TBX1: variants seen among roughly 807,000 people sequenced by gnomAD.
The protein encoded by TBX1 is T-box transcription factor TBX1.
TBX1 carries 16 observed loss-of-function variants against 40.8 expected under a neutral mutation model. That is an observed-to-expected ratio of 0.39 (90% CI 0.27 to 0.60). TBX1 has a LOEUF of 0.60. TBX1 is among the 20% of genes least tolerant of loss of function. TBX1 has a pLI of 0.51. For synonymous variants in TBX1, 403 were observed against 336.8 expected, an observed-to-expected ratio of 1.20 and a Z score of -2.15; for missense variants, 755 against 728.5, an observed-to-expected ratio of 1.04 and a Z score of -0.42.
In TBX1 at chr22:19,765,831, T is replaced by C; in HGVS notation, c.935+6T>C. 6.2e-7 allele frequency: 1 copy of C among 1,601,970 alleles called. No individual in the cohort carries two copies. The highest frequency in any genetic ancestry group is 8.5e-7 in the Non-Finnish European group (1 of 1,174,764). On this transcript the variant is annotated splice_donor_region_variant and intron_variant, in intron 5 of 6. Transcript: ENST00000649276. ...GACTGTGACCCTGAGGACTGGTGAG[T>C]GTCCTCCCCCGAGAGAGTGAGCGCC... is the stretch of plus-strand genomic sequence containing the variant.
Position 19,766,900 on chromosome 22 carries a change from G to C in TBX1, c.*33G>C. ...CCTGTCGCGCTCCCGCCCCGGTCCT[G>C]CACAGCCCCGAAGTTCGCCGGGCCC... On this transcript the variant is annotated 3_prime_UTR_variant, in exon 7 of 7. Coordinates refer to ENST00000649276, the MANE Select transcript of TBX1 (RefSeq NM_001379200.1). 1.9e-6 allele frequency: 3 copies of C among 1,577,660 alleles called. No individual in the cohort carries two copies. Among genetic ancestry groups the C allele is most frequent in the Non-Finnish European group, 2.6e-6 (3 of 1,170,186 alleles).
chr22:19,757,487 G>C (rs1272422799), upstream of TBX1, among the ~76,000 whole-genome samples: 1 of 152,180 alleles, frequency 6.6e-6, no homozygotes, highest in Non-Finnish European at 1.5e-5. Flanking sequence ...CATCTGGCCA[G>C]TGCCCTGAGG....
At chr22:19,777,703 C>T (rs1937088225) in intron 8 of TBX1, among the ~76,000 whole-genome samples, 1 of 151,978 alleles carries the variant, frequency 6.6e-6, no homozygotes, top group Non-Finnish European at 1.5e-5. Context: ...CTCTCAGCCC[C>T]TTTCACTGGG....
downstream of TBX1, among the ~76,000 whole-genome samples, chr22:19,769,771 G>A (rs1936957267): frequency 6.6e-6 from 1 of 152,262 alleles, no homozygotes; most frequent in Non-Finnish European, 1.5e-5. Context: ...GCGGTGATTA[G>A]GTCACGAGCG....
chr22:19,763,887 G>A (rs1031455907), intron 2 of TBX1, among the ~76,000 whole-genome samples: 5 of 152,188 alleles, frequency 3.3e-5, no homozygotes, highest in East Asian at 1.9e-4. Flanking sequence ...CGCATCCAGC[G>A]AAATGAGATG....
chr22:19,779,865 G>A (rs1011761774), downstream of TBX1, among the ~76,000 whole-genome samples: 2 of 152,198 alleles, frequency 1.3e-5, no homozygotes, highest in African/African-American at 2.4e-5. Flanking sequence ...CACATCACTC[G>A]GGAAAAGCCC....
At chr22:19,761,610 G>C (rs932568395) in intron 1 of TBX1, among the ~76,000 whole-genome samples, 3 of 152,046 alleles carry the variant, frequency 2.0e-5, no homozygotes, top group African/African-American at 7.2e-5. Context: ...GGCCCGGCTT[G>C]GGGCGCACCC....
chr22:19,771,627 A>G (rs1007848472), downstream of TBX1, among the ~76,000 whole-genome samples: 3 of 152,184 alleles, frequency 2.0e-5, no homozygotes, highest in Admixed American at 1.3e-4. Context: ...CCCCACTGGC[A>G]TCCTCTGCTC....
chr22:19,767,372 C>A, downstream of TBX1: 1 of 986,670 alleles, frequency 1.0e-6, no homozygotes, highest in Non-Finnish European at 1.2e-6. Context: ...CCAGTTAGAT[C>A]GCGTTGGGAA....
At position 19,764,264 on chromosome 22, in the gene TBX1, A is replaced by C; in HGVS notation, c.649A>C (p.Lys217Gln). The change falls in exon 3 of 7, where the codon AAG becomes CAG. Residue 217 changes from lysine to glutamine, a missense_variant. Around this residue, in one of 3 missense-constraint regions of TBX1, gnomAD observed 144 missense variants for 238.0 expected, o/e 0.61. Coordinates refer to ENST00000649276, the MANE Select transcript of TBX1 (RefSeq NM_001379200.1). ...GCCTGCCAAGGGCGCGCAGTGGATGAAGCAAATCGTGTCCTTCGACAAGCT... is the reference window on the plus strand; with the variant it reads ...GCCTGCCAAGGGCGCGCAGTGGATGCAGCAAATCGTGTCCTTCGACAAGCT... Reference protein sequence around the residue: ...DSPAKGAQWMKQIVSFDKLKL... With the variant: ...DSPAKGAQWMQQIVSFDKLKL... 1.2e-6 allele frequency: 2 copies of C among 1,613,456 alleles called. No individual in the cohort carries two copies. The highest frequency in any genetic ancestry group is 1.7e-6 in the Non-Finnish European group (2 of 1,179,942).
At chr22:19,757,009 C>T (rs1160685168), upstream of TBX1, among the ~76,000 whole-genome samples, 2 of 152,128 alleles carry the variant, frequency 1.3e-5, no homozygotes, top group African/African-American at 4.8e-5. Context: ...GCGGTGGAGG[C>T]GGCGGCTCCG....
upstream of TBX1, chr22:19,759,474 G>A (rs969433927): frequency 7.0e-7 from 1 of 1,437,450 alleles, no homozygotes; most frequent in African/African-American, 1.5e-5. Flanking sequence ...AGGCGGCGCC[G>A]GCCAGGCCGC....
chr22:19,767,294 C>A lies in TBX1; in HGVS notation c.*427C>A, dbSNP rs72646972. 2,116 of 994,758 alleles carry A rather than the reference C, an allele frequency of 2.1e-3. No homozygotes were observed. Among genetic ancestry groups the A allele is most frequent in the Admixed American group, 3.1e-3 (51 of 16,506 alleles). 61.6% of individuals were successfully genotyped at this position (994,758 alleles called of 1,614,324 possible). A position where few individuals can be genotyped will look rare whatever the true frequency, so the allele number is the denominator to read the frequency against. ...GATACTGTAGATACTGTAGATACCG[C>A]CCCGGCGCCGACTTGATAAACGGTT... On this transcript the variant is annotated 3_prime_UTR_variant, in exon 7 of 7. Coordinates refer to ENST00000649276, the MANE Select transcript of TBX1 (RefSeq NM_001379200.1).
downstream of TBX1, among the ~76,000 whole-genome samples, chr22:19,781,986 C>G (rs1166478878): frequency 1.3e-5 from 1 of 75,936 alleles, no homozygotes; most frequent in Non-Finnish European, 2.7e-5. Flanking sequence ...TGGTTTATTT[C>G]TAGGCTGTCT....
At chr22:19,765,863 C>G (rs1936817506) in intron 5 of TBX1, 38 bp downstream of exon 5, 1 of 1,568,450 alleles carries the variant, frequency 6.4e-7, no homozygotes, top group East Asian at 2.4e-5. Context: ...CGCCGGGCGC[C>G]TGGCGCAGGC....
downstream of TBX1, chr22:19,779,654 A>G: frequency 1.1e-6 from 1 of 917,774 alleles, no homozygotes; most frequent in African/African-American, 1.7e-5. Context: ...CATTATAAAC[A>G]CTTCTAAATA....
At chr22:19,779,900 C>T (rs972210722), downstream of TBX1, among the ~76,000 whole-genome samples, 3 of 152,240 alleles carry the variant, frequency 2.0e-5, no homozygotes, top group Non-Finnish European at 2.9e-5. Flanking sequence ...CAGGCGGAGG[C>T]ACCACGGTGA....
chr22:19,767,363 C>T (rs1466408196), downstream of TBX1: 1 of 986,958 alleles, frequency 1.0e-6, no homozygotes, highest in East Asian at 1.1e-4. Context: ...TATTTGTGCC[C>T]AGTTAGATCG....
chr22:19,763,043 C>T (rs564561495), intron 1 of TBX1, among the ~76,000 whole-genome samples, 198 bp from the exon 2 acceptor site: 262 of 152,306 alleles, frequency 1.7e-3, no homozygotes, highest in African/African-American at 5.8e-3. Flanking sequence ...TCCCCTGCTG[C>T]GCCAAGCTCC....
Sources: gnomAD v4.1 joint callset for allele counts (sites outside exome capture counted in the v4.1 genomes callset) on GRCh38, gnomAD v4.1.1 for gene constraint, gnomAD v4.1.1 regional missense constraint, MANE v1.5 for transcripts, NCBI Gene and HGNC (gene_info 2026-07-23, HGNC 2026-07-21) for gene names.